RUFY1: variants seen among roughly 807,000 people sequenced by gnomAD.
The protein encoded by RUFY1 is RUN and FYVE domain-containing protein 1.
Under a neutral mutation model 94.6 loss-of-function variants are expected in RUFY1, and 54 were observed. The ratio of observed to expected loss-of-function variants is 0.57; its 90% CI spans 0.46 to 0.72. The LOEUF is 0.72. RUFY1 is among the 30% of genes least tolerant of loss of function. The pLI, the probability that RUFY1 is intolerant of heterozygous loss-of-function variation, is 0.00. For missense variants in RUFY1, 883 were observed against 883.9 expected, an observed-to-expected ratio of 1.00 and a Z score of 0.01; for synonymous variants, 396 against 347.3, an observed-to-expected ratio of 1.14 and a Z score of -1.56.
rs1428632280 is a variant in RUFY1 at position 179,550,640 on chromosome 5, CG to C, written c.75del (p.Ser28GlnfsTer40). The C allele has an allele frequency of 1.2e-5, 17 of 1,406,212 alleles. No individual in the cohort carries two copies. Among genetic ancestry groups the C allele is most frequent in the Admixed American group, 5.3e-5 (2 of 37,586 alleles). 87.1% of individuals were successfully genotyped at this position (1,406,212 alleles called of 1,614,324 possible). A position where few individuals can be genotyped will look rare whatever the true frequency, so the allele number is the denominator to read the frequency against. ...RELEPELEPG[P>X]GPGSALEPGE... ...CTGGAGCCGGAGCTGGAGCCGGGGC[CG>C]GGGCCCGGGTCAGCGCTTGAGCCGG... On this transcript the variant is annotated frameshift_variant, in exon 1 of 18. Coordinates refer to ENST00000319449, the MANE Select transcript of RUFY1 (RefSeq NM_025158.5). LOFTEE classifies it high-confidence loss of function.
At position 179,560,096 on chromosome 5, in the gene RUFY1, C is replaced by T. The variant is rs1398953930; in HGVS notation, c.382C>T (p.Leu128Phe). The T allele has an allele frequency of 1.2e-6, 2 of 1,614,070 alleles. No individual in the cohort carries two copies. Among genetic ancestry groups the T allele is most frequent in the South Asian group, 2.2e-5 (2 of 91,056 alleles). ...GATGAAACTCAGCATCAAGGTGTTG[C>T]TCCAGTCGGCTCTGAGCCTGGGCCG... is the stretch of plus-strand genomic sequence containing the variant. Reference protein sequence around the residue: ...HMMKLSIKVLLQSALSLGRSL... With the variant: ...HMMKLSIKVLFQSALSLGRSL... Residue 128 changes from leucine to phenylalanine, a missense_variant, in exon 2 of 18, where the codon CTC becomes TTC. Transcript: ENST00000319449.
rs564380461 is a variant in RUFY1, at chr5:179,608,372, C to A, written c.1983+713C>A. 4 of 985,654 alleles carry A rather than the reference C, an allele frequency of 4.1e-6. No homozygotes were observed. In the East Asian group the frequency reaches 4.5e-4, roughly 112 times the overall value. 61.1% of individuals were successfully genotyped at this position (985,654 alleles called of 1,614,324 possible). A position where few individuals can be genotyped will look rare whatever the true frequency, so the allele number is the denominator to read the frequency against. On this transcript the variant is annotated intron_variant, in intron 17 of 17. Transcript: ENST00000319449. ...GCAGTGCCTTGCAGTAAGCTCAGAG[C>A]TAGAAACCACGTCCTGAGGCTGCCT...
At chr5:179,561,448 G>A (rs1380455658) in intron 2 of RUFY1, among the ~76,000 whole-genome samples, 5 of 151,834 alleles carry the variant, frequency 3.3e-5, no homozygotes, top group Admixed American at 3.3e-4. Context: ...ATCCTAAAGG[G>A]AGAAATGTGT....
chr5:179,589,702 G>C, intron 9 of RUFY1, 55 bp downstream of exon 9: 3 of 1,292,762 alleles, frequency 2.3e-6, no homozygotes, highest in Non-Finnish European at 3.4e-6. Context: ...CACACCTATT[G>C]TCAATCTCAA....
intron 1 of RUFY1, among the ~76,000 whole-genome samples, chr5:179,557,985 A>T (rs899155717): frequency 2.6e-5 from 4 of 152,170 alleles, no homozygotes; most frequent in African/African-American, 9.7e-5. Flanking sequence ...GAGGAGAAAG[A>T]GTGCCTGTGA....
chr5:179,562,471 G>T, intron 2 of RUFY1, 76 bp from the exon 3 acceptor site: 1 of 794,918 alleles, frequency 1.3e-6, no homozygotes, highest in Non-Finnish European at 2.2e-6. Context: ...CTTGGCTTTT[G>T]TGGGGAGAGG....
At chr5:179,559,439 A>G (rs888917746) in intron 1 of RUFY1, among the ~76,000 whole-genome samples, 37 of 152,226 alleles carry the variant, frequency 2.4e-4, no homozygotes, top group Non-Finnish European at 4.1e-4. Context: ...CCTGGAGCTG[A>G]GGGGAAGATG....
intron 10 of RUFY1, 78 bp downstream of exon 10, chr5:179,591,819 C>T (rs1765134214): frequency 1.2e-6 from 1 of 853,228 alleles, no homozygotes; most frequent in African/African-American, 1.7e-5. Context: ...CATAGACATG[C>T]TTCACCATCC....
At chr5:179,608,647 G>C in intron 17 of RUFY1, 2 of 985,314 alleles carry the variant, frequency 2.0e-6, no homozygotes, top group Non-Finnish European at 1.2e-6. Context: ...ACACCCTTAG[G>C]CCGGGCACGG....
At chr5:179,600,226 C>T (rs1766201269) in intron 14 of RUFY1, 1 of 152,276 alleles carries the variant, frequency 6.6e-6, no homozygotes, top group South Asian at 2.1e-4. Context: ...GAAGCTACGG[C>T]ACAGGGTGTG....
At chr5:179,587,889 G>C (rs184186223) in intron 8 of RUFY1, among the ~76,000 whole-genome samples, 1 of 151,932 alleles carries the variant, frequency 6.6e-6, no homozygotes, top group East Asian at 2.0e-4. Context: ...AAAGTTAGCT[G>C]TGGTGACACA....
intron 11 of RUFY1, among the ~76,000 whole-genome samples, chr5:179,594,377 G>A (rs1471218616): frequency 6.6e-6 from 1 of 151,292 alleles, no homozygotes; most frequent in Non-Finnish European, 1.5e-5. Context: ...AGTCTTCCGG[G>A]CCACATAGGT....
chr5:179,555,537 A>AGAG (rs1762070267), intron 1 of RUFY1: 1 of 309,524 alleles, frequency 3.2e-6, no homozygotes, highest in Admixed American at 4.0e-5. Context: ...CAGCACTTCC[A>AGAG]GAGACAGCAC....
chr5:179,564,246 A>G (rs1269390336), intron 3 of RUFY1, among the ~76,000 whole-genome samples: 2 of 150,660 alleles, frequency 1.3e-5, no homozygotes, highest in Non-Finnish European at 3.0e-5. Flanking sequence ...CTGCCTCCCA[A>G]GTAGCTGGGA....
intron 1 of RUFY1, among the ~76,000 whole-genome samples, chr5:179,551,993 G>A (rs1273177388): frequency 1.1e-4 from 16 of 151,010 alleles, no homozygotes; most frequent in Admixed American, 9.9e-4. Flanking sequence ...GTGAAACCCC[G>A]TCTCTACTAA....
At chr5:179,582,314 T>G (rs981554086) in intron 7 of RUFY1, among the ~76,000 whole-genome samples, 1 of 151,732 alleles carries the variant, frequency 6.6e-6, no homozygotes, top group Non-Finnish European at 1.5e-5. Flanking sequence ...AGCCTCCACC[T>G]CCCTGGGCTC....
At chr5:179,569,987 G>A (rs545659975) in intron 5 of RUFY1, among the ~76,000 whole-genome samples, 2 of 151,216 alleles carry the variant, frequency 1.3e-5, no homozygotes, top group South Asian at 2.1e-4. Context: ...CTCGTGATCC[G>A]CCCACCTCGG....
chr5:179,552,950 C>T lies in RUFY1; in HGVS notation c.310+2071C>T, dbSNP rs578257090. 3.9e-5 allele frequency among the ~76,000 whole-genome samples: 6 copies of T among 152,352 alleles called. No individual in the cohort carries two copies. In the South Asian group the frequency reaches 8.3e-4, roughly 21 times the overall value. On this transcript the variant is annotated intron_variant, in intron 1 of 17. Transcript: ENST00000319449. Reference sequence around the variant, plus strand: ...GTATTCATTCATTCCTCACAACAACCCTATGTGATAGCAGGACTAGCTTCA... The same window carrying T: ...GTATTCATTCATTCCTCACAACAACTCTATGTGATAGCAGGACTAGCTTCA...
intron 3 of RUFY1, among the ~76,000 whole-genome samples, chr5:179,564,425 T>G (rs556131055): frequency 1.0e-3 from 155 of 150,590 alleles, no homozygotes; most frequent in African/African-American, 3.5e-3. Context: ...TGGCTGTTTT[T>G]TTTTTTTTTT....
Sources: allele counts gnomAD v4.1 joint callset (sites outside exome capture counted in the v4.1 genomes callset), GRCh38; gene constraint gnomAD v4.1.1; transcripts MANE v1.5; gene names NCBI Gene and HGNC (gene_info 2026-07-23, HGNC 2026-07-21).